LRBA: variants seen among roughly 807,000 people sequenced by gnomAD.
The protein encoded by LRBA is LPS responsive beige-like anchor protein, also known as lipopolysaccharide-responsive and beige-like anchor protein.
In LRBA, 176 loss-of-function variants were observed where a neutral mutation model predicts 330.0. The ratio of observed to expected loss-of-function variants is 0.53; its 90% confidence interval spans 0.47 to 0.60. The LOEUF is 0.60. Among genes scored for constraint, LRBA ranks in the 20% least tolerant of loss-of-function variants. LRBA has a pLI of 0.00. For missense variants in LRBA, 3,259 were observed against 3,444.8 expected (o/e 0.95, Z 1.35); for synonymous variants, 1,230 against 1,193.0 (o/e 1.03, Z -0.64).
Position 150,908,321 on chromosome 4 carries a change from T to C in LRBA, c.1493+13A>G. 1 of 1,602,770 alleles carries C rather than the reference T, an allele frequency of 6.2e-7. No homozygotes were observed. The highest frequency in any genetic ancestry group is 8.5e-7 in the Non-Finnish European group (1 of 1,177,582). ...CCTCACAGCCAATTAAAGAAACAAA[T>C]AAAGGCACTCACCATATAGTCAAAT... On this transcript the variant is annotated intron_variant, in intron 11 of 56. Transcript: ENST00000651943.
intron 44 of LRBA, among the ~76,000 whole-genome samples, chr4:150,461,704 G>T (rs1161001213): frequency 6.6e-6 from 1 of 151,776 alleles, no homozygotes; most frequent in African/African-American, 2.4e-5. Context: ...GAATTTCATA[G>T]CCAAGATAAT....
At chr4:150,494,738 G>A (rs1471734095) in intron 40 of LRBA, among the ~76,000 whole-genome samples, 1 of 152,190 alleles carries the variant, frequency 6.6e-6, no homozygotes, top group Non-Finnish European at 1.5e-5. Context: ...GCTCACGCCT[G>A]TAATCCCAAC....
At chr4:150,846,931 A>C (rs1222265020) in intron 26 of LRBA, among the ~76,000 whole-genome samples, 1 of 152,178 alleles carries the variant, frequency 6.6e-6, no homozygotes, top group Non-Finnish European at 1.5e-5. Flanking sequence ...TCTGAATCTG[A>C]TGATTCTTGA....
At chr4:150,761,059 C>T (rs967139152) in intron 35 of LRBA, among the ~76,000 whole-genome samples, 1 of 152,098 alleles carries the variant, frequency 6.6e-6, no homozygotes, top group African/African-American at 2.4e-5. Context: ...TAAGTTTGTT[C>T]AGAATACTAT....
intron 2 of LRBA, among the ~76,000 whole-genome samples, chr4:150,966,107 G>A (rs950263917): frequency 5.3e-5 from 8 of 152,010 alleles, no homozygotes; most frequent in Non-Finnish European, 1.2e-4. Context: ...CTTCATTTTC[G>A]TTTTTGACTA....
At chr4:150,349,856 T>C in intron 48 of LRBA, 136 bp downstream of exon 48, 1 of 682,948 alleles carries the variant, frequency 1.5e-6, no homozygotes, top group Non-Finnish European at 2.4e-6. Flanking sequence ...ACTGATAAAT[T>C]ATTCTGCTTA....
chr4:150,297,444 C>G (rs1208112761), intron 53 of LRBA, among the ~76,000 whole-genome samples: 1 of 152,182 alleles, frequency 6.6e-6, no homozygotes, highest in East Asian at 1.9e-4. Flanking sequence ...GTCACCTGAA[C>G]TTGAACACTG....
intron 35 of LRBA, among the ~76,000 whole-genome samples, chr4:150,739,174 T>C (rs1731610910): frequency 6.6e-6 from 1 of 152,160 alleles, no homozygotes; most frequent in Admixed American, 6.5e-5. Flanking sequence ...GAACTAGAGA[T>C]ACAGAAATTT....
At chr4:150,787,599 C>A (rs1739271777) in intron 34 of LRBA, among the ~76,000 whole-genome samples, 1 of 152,060 alleles carries the variant, frequency 6.6e-6, no homozygotes, top group Admixed American at 6.6e-5. Flanking sequence ...GCATGCAATG[C>A]ATAATAATCA....
chr4:150,322,039 A>C (rs1732586709), intron 49 of LRBA, among the ~76,000 whole-genome samples: 1 of 152,182 alleles, frequency 6.6e-6, no homozygotes, highest in Non-Finnish European at 1.5e-5. Flanking sequence ...TAGTGTACCA[A>C]ATCATAAACA....
At chr4:150,615,622 G>C (rs918631864) in intron 37 of LRBA, among the ~76,000 whole-genome samples, 3 of 152,118 alleles carry the variant, frequency 2.0e-5, no homozygotes, top group Admixed American at 6.5e-5. Context: ...AAGAGAATGT[G>C]AGAGGAATAG....
At chr4:150,640,142 C>T (rs1778530299) in intron 37 of LRBA, among the ~76,000 whole-genome samples, 1 of 151,736 alleles carries the variant, frequency 6.6e-6, no homozygotes, top group African/African-American at 2.4e-5. Flanking sequence ...CAGGCATGAG[C>T]CACCACGCCC....
intron 35 of LRBA, among the ~76,000 whole-genome samples, chr4:150,754,664 T>C (rs1560773602): frequency 6.6e-6 from 1 of 151,848 alleles, no homozygotes; most frequent in Non-Finnish European, 1.5e-5. Flanking sequence ...GCACAGTAAC[T>C]CACGCCTGTA....
At chr4:150,600,891 T>A (rs1392133291) in intron 37 of LRBA, among the ~76,000 whole-genome samples, 1 of 152,188 alleles carries the variant, frequency 6.6e-6, no homozygotes, top group Non-Finnish European at 1.5e-5. Context: ...GATAGGCACT[T>A]CATCATTCTG....
At chr4:150,580,796 C>T (rs149081053) in intron 40 of LRBA, 29 of 152,180 alleles carry the variant, frequency 1.9e-4, no homozygotes, top group African/African-American at 6.7e-4. Flanking sequence ...TAGGATAATA[C>T]ATATACTAAA....
intron 2 of LRBA, among the ~76,000 whole-genome samples, chr4:150,947,858 C>CAAA (rs1448389626): frequency 4.6e-5 from 7 of 151,964 alleles, no homozygotes; most frequent in African/African-American, 1.7e-4. Flanking sequence ...CATATACTAC[C>CAAA]AAGGAACATG....
At chr4:150,440,830 T>C (rs374347095) in intron 44 of LRBA, among the ~76,000 whole-genome samples, 9 of 152,032 alleles carry the variant, frequency 5.9e-5, no homozygotes, top group African/African-American at 1.7e-4. Context: ...AAACCAAAAC[T>C]CTTGGAAATG....
chr4:150,722,139 A>G (rs1489515742), intron 36 of LRBA, among the ~76,000 whole-genome samples: 1 of 152,214 alleles, frequency 6.6e-6, no homozygotes, highest in Non-Finnish European at 1.5e-5. Context: ...TGATGTCAGC[A>G]GCAGCCTGGT....
At position 150,716,728 on chromosome 4, in the gene LRBA, T is replaced by C. The variant is rs1728249275; in HGVS notation, c.5754+18530A>G. 2.0e-5 allele frequency among the ~76,000 whole-genome samples: 3 copies of C among 152,146 alleles called. No individual in the cohort carries two copies. The South Asian group carries it at 6.2e-4, about 32-fold the overall frequency. ...AATTGGTATATACAGTACCCTAAAA[T>C]ACATAACACTAAAATATGTAATTGT... On this transcript the variant is annotated intron_variant, in intron 36 of 56. Transcript: ENST00000651943.
Sources: allele counts gnomAD v4.1 joint callset (sites outside exome capture counted in the v4.1 genomes callset), GRCh38; gene constraint gnomAD v4.1.1; transcripts MANE v1.5; gene names NCBI Gene and HGNC (gene_info 2026-07-23, HGNC 2026-07-21).